Variants in PALM2AKAP2 observed in about 807,000 individuals in gnomAD.
PALM2AKAP2 encodes the protein PALM2 and AKAP2 fusion, also known as PALM2-AKAP2 fusion protein.
PALM2AKAP2 carries 37 observed loss-of-function variants against 71.5 expected under a neutral mutation model. The observed-to-expected ratio is 0.52, with a 90% confidence interval of 0.40 to 0.68. The LOEUF (loss-of-function observed/expected upper bound fraction) is 0.68, where lower values mean the gene tolerates loss of function less well. Among genes scored for constraint, PALM2AKAP2 ranks in the 30% least tolerant of loss-of-function variants. PALM2AKAP2 has a pLI of 0.00. For synonymous variants in PALM2AKAP2, 468 were observed against 478.8 expected, an observed-to-expected ratio of 0.98 and a Z score of 0.29; for missense variants, 1,224 against 1,191.8, an observed-to-expected ratio of 1.03 and a Z score of -0.40.
rs143178292 is a variant in PALM2AKAP2 at position 110,016,003 on chromosome 9, C to T, written c.546C>T (p.Asn182=). 754 of 1,614,018 alleles carry T rather than the reference C, an allele frequency of 4.7e-4. 2 individuals are homozygous for T. In the African/African-American group the frequency reaches 7.2e-3, roughly 15 times the overall value. ...TAAAGGAAGGTGAGTCAGCCTCGAA[C>T]GCCACAGAAACATCCGGCCCAGACA... Residue 182 remains asparagine (N), a synonymous_variant, in exon 7 of 10, where the codon AAC becomes AAT. Transcript: ENST00000302798.
chr9:110,014,774 T>C (rs567433114), intron 6 of PALM2AKAP2, among the ~76,000 whole-genome samples: 111 of 74,850 alleles, frequency 1.5e-3, no homozygotes, highest in African/African-American at 5.2e-3. Context: ...CTCTGTCCTC[T>C]GTCTCAAAAA....
intron 1 of PALM2AKAP2, among the ~76,000 whole-genome samples, chr9:109,761,708 CT>C (rs1404683219): frequency 1.3e-5 from 2 of 152,168 alleles, no homozygotes. Flanking sequence ...TGAACTCATT[CT>C]TTTTTATGGC....
At chr9:110,056,021 C>T (rs1157917588) in intron 1 of PALM2AKAP2, among the ~76,000 whole-genome samples, 1 of 152,188 alleles carries the variant, frequency 6.6e-6, no homozygotes, top group Non-Finnish European at 1.5e-5. Flanking sequence ...GAGACTGGTC[C>T]TGCAGACCCA....
chr9:109,916,445 C>T (rs551353801), intron 3 of PALM2AKAP2, among the ~76,000 whole-genome samples: 5 of 152,248 alleles, frequency 3.3e-5, no homozygotes, highest in African/African-American at 7.2e-5. Flanking sequence ...ACGGAAACGG[C>T]GAGAACCTAT....
chr9:110,100,431 T>C (rs7043130), intron 1 of PALM2AKAP2, among the ~76,000 whole-genome samples: 33,965 of 151,978 alleles, frequency 0.22, 5,117 homozygotes, highest in African/African-American at 0.42. Flanking sequence ...TGCAAAAGCC[T>C]TTAATGAAAA....
Position 109,729,922 on chromosome 9 carries a change from G to C in PALM2AKAP2, c.6-50566G>C, listed in dbSNP as rs144244588. On this transcript the variant is annotated intron_variant, in intron 1 of 6. Transcript: ENST00000374531. ...TGGATTTTCTTCCAAATTAATAAAAGAGCATGGACTGGACCTGATTGCTCA... is the reference window on the plus strand; with the variant it reads ...TGGATTTTCTTCCAAATTAATAAAACAGCATGGACTGGACCTGATTGCTCA... Among the ~76,000 whole-genome samples, 6 of 152,352 alleles carry C rather than the reference G, an allele frequency of 3.9e-5. No individual in the cohort carries two copies. In the East Asian group the frequency reaches 1.2e-3, roughly 29 times the overall value.
chr9:109,712,080 T>C (rs1416730947), intron 1 of PALM2AKAP2, among the ~76,000 whole-genome samples: 1 of 152,112 alleles, frequency 6.6e-6, no homozygotes, highest in Non-Finnish European at 1.5e-5. Flanking sequence ...GCTGTGCCTT[T>C]TGAACTGACA....
chr9:110,127,221 C>T (rs947190587), intron 1 of PALM2AKAP2, among the ~76,000 whole-genome samples: 1 of 152,174 alleles, frequency 6.6e-6, no homozygotes, highest in Non-Finnish European at 1.5e-5. Context: ...GCTGTAATGG[C>T]TTCATGGCAG....
intron 1 of PALM2AKAP2, among the ~76,000 whole-genome samples, chr9:109,771,436 CTAG>C (rs916490249): frequency 6.6e-6 from 1 of 152,108 alleles, no homozygotes; most frequent in Non-Finnish European, 1.5e-5. Context: ...GTGGAGGGTA[CTAG>C]ACACCAAATA....
At chr9:110,095,038 G>A (rs1170213248) in intron 1 of PALM2AKAP2, among the ~76,000 whole-genome samples, 1 of 152,202 alleles carries the variant, frequency 6.6e-6, no homozygotes, top group African/African-American at 2.4e-5. Context: ...CCTACCGTAT[G>A]TGTAGTACTC....
At chr9:110,048,762 G>A in exon 1 of PALM2AKAP2, 1 of 1,537,660 alleles carries the variant, frequency 6.5e-7, no homozygotes, top group Non-Finnish European at 8.7e-7. Flanking sequence ...GACCCCCGGA[G>A]TCTCCTGGAC....
At chr9:109,951,107 C>G (rs1039717325) in intron 6 of PALM2AKAP2, among the ~76,000 whole-genome samples, 1 of 152,216 alleles carries the variant, frequency 6.6e-6, no homozygotes, top group Non-Finnish European at 1.5e-5. Flanking sequence ...GAGTCAAAAT[C>G]ATACAGGGGT....
intron 1 of PALM2AKAP2, among the ~76,000 whole-genome samples, chr9:109,794,094 A>G (rs576286707): frequency 3.2e-4 from 49 of 152,336 alleles, no homozygotes; most frequent in Non-Finnish European, 5.4e-4. Flanking sequence ...CTCATTGCTT[A>G]CAGTCCAGAA....
chr9:109,781,006 G>A (rs1829437376), intron 1 of PALM2AKAP2, among the ~76,000 whole-genome samples: 1 of 152,290 alleles, frequency 6.6e-6, no homozygotes, highest in Admixed American at 6.5e-5. Flanking sequence ...CCCAGAAACC[G>A]GGAATGTTAG....
intron 2 of PALM2AKAP2, among the ~76,000 whole-genome samples, chr9:109,873,219 T>G (rs1363325559): frequency 1.3e-5 from 2 of 152,082 alleles, no homozygotes; most frequent in African/African-American, 4.8e-5. Flanking sequence ...TCCCAACACT[T>G]TGGGAGGCCA....
At chr9:109,964,985 T>C (rs1831919207) in intron 6 of PALM2AKAP2, among the ~76,000 whole-genome samples, 1 of 152,202 alleles carries the variant, frequency 6.6e-6, no homozygotes, top group Admixed American at 6.5e-5. Flanking sequence ...GCCATTGTCA[T>C]TACCATCAAC....
intron 3 of PALM2AKAP2, among the ~76,000 whole-genome samples, chr9:109,903,812 A>G (rs927438567): frequency 1.1e-4 from 16 of 148,458 alleles, no homozygotes; most frequent in African/African-American, 3.5e-4. Context: ...TTTTTTTTAC[A>G]TGTAGACACA....
chr9:109,954,324 A>G (rs747209587), intron 6 of PALM2AKAP2, among the ~76,000 whole-genome samples: 3 of 152,172 alleles, frequency 2.0e-5, no homozygotes, highest in Non-Finnish European at 4.4e-5. Context: ...GATCTAGGCT[A>G]TATCATCCTT....
intron 7 of PALM2AKAP2, among the ~76,000 whole-genome samples, chr9:110,019,333 C>T (rs562296128): frequency 6.6e-6 from 1 of 151,498 alleles, no homozygotes; most frequent in Non-Finnish European, 1.5e-5. Context: ...GGTGAGGATG[C>T]AGAGAAAAGG....
Sources: gnomAD v4.1 joint callset for allele counts (sites outside exome capture counted in the v4.1 genomes callset) on GRCh38, gnomAD v4.1.1 for gene constraint, MANE v1.5 for transcripts, NCBI Gene and HGNC (gene_info 2026-07-23, HGNC 2026-07-21) for gene names.